The following ARFGEF2 variants were observed in gnomAD, a reference collection of about 807,000 sequenced individuals.
ARFGEF2 encodes ARF guanine nucleotide exchange factor 2.
Under a neutral mutation model 219.9 loss-of-function variants are expected in ARFGEF2, and 74 were observed. That is an observed-to-expected ratio of 0.34 (90% CI 0.28 to 0.41). ARFGEF2 has a LOEUF of 0.41. Ranked by LOEUF, ARFGEF2 falls within the 10% of genes least tolerant of loss-of-function variation. The probability of loss-of-function intolerance (pLI) is 1.00; values close to 1 mark genes in which losing one functional copy is unlikely to be tolerated. For missense variants in ARFGEF2, 1,743 were observed against 2,218.3 expected, an observed-to-expected ratio of 0.79 and a Z score of 4.30; for synonymous variants, 733 against 799.2, an observed-to-expected ratio of 0.92 and a Z score of 1.40.
intron 8 of ARFGEF2, among the ~76,000 whole-genome samples, chr20:48,966,484 A>G (rs916976610): frequency 1.3e-5 from 2 of 152,216 alleles, no homozygotes; most frequent in African/African-American, 4.8e-5. Flanking sequence ...TACAGTATGT[A>G]TCCTGTGTTG....
intron 3 of ARFGEF2, among the ~76,000 whole-genome samples, chr20:48,943,300 T>C (rs2091005613): frequency 6.6e-6 from 1 of 152,224 alleles, no homozygotes; most frequent in African/African-American, 2.4e-5. Flanking sequence ...TTTGGGCTTA[T>C]AAATAAATTT....
intron 34 of ARFGEF2, among the ~76,000 whole-genome samples, chr20:49,022,769 G>A (rs1316428004): frequency 1.3e-5 from 2 of 151,900 alleles, no homozygotes; most frequent in Admixed American, 6.6e-5. Flanking sequence ...CAACACCATG[G>A]GAGCAGAGAT....
chr20:48,953,868 C>T, intron 6 of ARFGEF2, 78 bp downstream of exon 6: 2 of 1,365,052 alleles, frequency 1.5e-6, no homozygotes, highest in Non-Finnish European at 2.1e-6. Flanking sequence ...AAGTGTATGT[C>T]ATAACATCTG....
At chr20:48,967,230 G>A (rs1162910857) in intron 8 of ARFGEF2, among the ~76,000 whole-genome samples, 1 of 152,074 alleles carries the variant, frequency 6.6e-6, no homozygotes, top group Non-Finnish European at 1.5e-5. Context: ...AATTTGCTTT[G>A]TTTACTCAAC....
chr20:49,001,528 C>T (rs1436394892), intron 25 of ARFGEF2, among the ~76,000 whole-genome samples: 1 of 152,182 alleles, frequency 6.6e-6, no homozygotes, highest in Non-Finnish European at 1.5e-5. Flanking sequence ...GGGGCACCAG[C>T]CCTGTGTCCT....
At chr20:49,013,985 C>T (rs762904031) in intron 30 of ARFGEF2, 25 bp downstream of exon 30, 3 of 1,613,486 alleles carry the variant, frequency 1.9e-6, no homozygotes, top group South Asian at 1.1e-5. Context: ...CAGCACTGCC[C>T]TAGGTATGAT....
At chr20:48,932,066 G>C (rs1282109747) in intron 1 of ARFGEF2, among the ~76,000 whole-genome samples, 3 of 152,190 alleles carry the variant, frequency 2.0e-5, no homozygotes, top group Admixed American at 2.0e-4. Context: ...TGGTGGCCTA[G>C]TGTGGTAAGA....
intron 16 of ARFGEF2, 142 bp downstream of exon 16, chr20:48,985,755 A>G (rs1290896730): frequency 2.2e-5 from 20 of 913,068 alleles, no homozygotes; most frequent in Non-Finnish European, 3.1e-5. Context: ...GCACTGTGCT[A>G]AGGGATTATT....
intron 1 of ARFGEF2, among the ~76,000 whole-genome samples, chr20:48,937,489 C>T (rs1457674707): frequency 6.6e-6 from 1 of 152,218 alleles, no homozygotes. Context: ...TTAAACTGAT[C>T]TGCCCACCTC....
chr20:48,979,673 G>A (rs2091283490), intron 14 of ARFGEF2, among the ~76,000 whole-genome samples: 1 of 152,148 alleles, frequency 6.6e-6, no homozygotes, highest in Non-Finnish European at 1.5e-5. Flanking sequence ...GGTCTATTCA[G>A]GGATTCAACT....
chr20:49,003,462 G>A (rs1317938101), intron 25 of ARFGEF2, among the ~76,000 whole-genome samples: 4 of 151,666 alleles, frequency 2.6e-5, no homozygotes, highest in South Asian at 2.1e-4. Context: ...AAAATTAGCC[G>A]ATCTTGGTGG....
intron 4 of ARFGEF2, among the ~76,000 whole-genome samples, chr20:48,952,463 A>G (rs895645644): frequency 5.9e-5 from 9 of 152,168 alleles, no homozygotes; most frequent in African/African-American, 2.2e-4. Flanking sequence ...CTTCAACACA[A>G]TTTAATTGTT....
rs754473579 is a variant in ARFGEF2 at position 48,953,709 on chromosome 20, G to A, written c.757G>A (p.Gly253Ser). The A allele has an allele frequency of 2.0e-5, 32 of 1,613,974 alleles. No individual in the cohort carries two copies. Among genetic ancestry groups the A allele is most frequent in the Middle Eastern group, 1.6e-4 (1 of 6,084 alleles). Reference sequence around the variant, plus strand: ...TCCCGAAAAAACAGATTTAACCAACGGTGAACATGCCAGGAGTGATTCTGG... The same window carrying A: ...TCCCGAAAAAACAGATTTAACCAACAGTGAACATGCCAGGAGTGATTCTGG... The part of the protein sequence containing the change: ...TTPEKTDLTN[G>S]EHARSDSGKV... The change falls in exon 6 of 39, where the codon GGT (glycine) becomes AGT (serine). Residue 253 changes from glycine (G) to serine (S), a missense_variant. By Grantham distance (56) the Gly-to-Ser change is moderately conservative. Coordinates refer to ENST00000371917, the MANE Select transcript of ARFGEF2 (RefSeq NM_006420.3).
In ARFGEF2 at chr20:48,994,567, G is replaced by A; in HGVS notation, c.3090G>A (p.Leu1030=). 1 of 1,614,080 alleles carries A rather than the reference G, an allele frequency of 6.2e-7. No individual in the cohort carries two copies. The highest frequency in any genetic ancestry group is 8.5e-7 in the Non-Finnish European group (1 of 1,180,018). Residue 1030 remains leucine (L), a synonymous_variant, in exon 22 of 39, where the codon TTG becomes TTA. Transcript: ENST00000371917. The part of the protein sequence containing the change: ...EREGSLKGHT[L]AGEEFMGLGL... ...AAGGGAGCCTGAAGGGCCACACATT[G>A]GCAGGAGAAGAGTTCATGGGCCTTG...
intron 22 of ARFGEF2, 124 bp downstream of exon 22, chr20:48,994,722 C>T: frequency 7.1e-7 from 1 of 1,400,318 alleles, no homozygotes; most frequent in Non-Finnish European, 9.8e-7. Context: ...TGACAGTGTT[C>T]ATGAATGCAA....
rs1162274873 is a variant in ARFGEF2, at chr20:48,921,746, C to T, written c.-144C>T. 12 of 850,084 alleles carry T rather than the reference C, an allele frequency of 1.4e-5. No homozygotes were observed. The highest frequency in any genetic ancestry group is 1.8e-5 in the African/African-American group (1 of 54,728). 52.7% of individuals were successfully genotyped at this position (850,084 alleles called of 1,614,324 possible). A position where few individuals can be genotyped will look rare whatever the true frequency, so the allele number is the denominator to read the frequency against. ...GTGACGCGCTCCAACATGGCGGCGCCGTGGGGCCGAGGTGTCGCTTCCTGA... is the reference window on the plus strand; with the variant it reads ...GTGACGCGCTCCAACATGGCGGCGCTGTGGGGCCGAGGTGTCGCTTCCTGA... On this transcript the variant is annotated 5_prime_UTR_variant, in exon 1 of 39. Coordinates refer to ENST00000371917, the MANE Select transcript of ARFGEF2 (RefSeq NM_006420.3).
At chr20:48,928,267 C>T (rs868581636) in intron 1 of ARFGEF2, among the ~76,000 whole-genome samples, 3 of 137,450 alleles carry the variant, frequency 2.2e-5, no homozygotes, top group Non-Finnish European at 4.6e-5. Context: ...GGCGCGATCT[C>T]GGCTCACTGC....
Position 49,032,111 on chromosome 20 carries a change from G to A in ARFGEF2, c.5126G>A (p.Trp1709Ter). The A allele has an allele frequency of 6.2e-7, 1 of 1,613,986 alleles. No homozygotes were observed. Among genetic ancestry groups the A allele is most frequent in the Non-Finnish European group, 8.5e-7 (1 of 1,179,994 alleles). The change falls in exon 38 of 39, where the codon TGG becomes TAG. Residue 1709 changes from tryptophan (W) to a stop codon, truncating the protein, a stop_gained. Transcript: ENST00000371917. LOFTEE classifies it high-confidence loss of function. ...AATTCTGAGAGCCATCGGGAGGCCT[G>A]GACAAGTCTCTTGTTGTTACTTCTA... ...TVNSESHREA[W>*]TSLLLLLLTK...
chr20:49,030,952 G>A (rs567731016), intron 37 of ARFGEF2, among the ~76,000 whole-genome samples: 1 of 152,190 alleles, frequency 6.6e-6, no homozygotes, highest in African/African-American at 2.4e-5. Context: ...AGATTGTGCT[G>A]TTGCACTCCA....
Sources: gnomAD v4.1 joint callset for allele counts (sites outside exome capture counted in the v4.1 genomes callset) on GRCh38, gnomAD v4.1.1 for gene constraint, MANE v1.5 for transcripts, NCBI Gene and HGNC (gene_info 2026-07-23, HGNC 2026-07-21) for gene names.